Variants in TSPEAR observed in about 807,000 individuals in gnomAD.
The protein encoded by TSPEAR is thrombospondin type laminin G domain and EAR repeats.
In TSPEAR, 69 loss-of-function variants were observed where a neutral mutation model predicts 71.6. The observed-to-expected ratio is 0.96, with a 90% CI of 0.79 to 1.18. The LOEUF (loss-of-function observed/expected upper bound fraction) is 1.18, where lower values mean the gene tolerates loss of function less well. TSPEAR is among the 50% of genes most tolerant of loss of function. The pLI is 0.00. For missense variants in TSPEAR, 971 were observed against 894.9 expected (o/e 1.09, Z -1.09); for synonymous variants, 402 against 387.2 (o/e 1.04, Z -0.45).
chr21:44,521,759 G>A (rs782532036), intron 9 of TSPEAR, 124 bp downstream of exon 9: 4 of 901,860 alleles, frequency 4.4e-6, no homozygotes, highest in Non-Finnish European at 6.8e-6. Flanking sequence ...TGGGGTCACG[G>A]GTGCAGAGCA....
At chr21:44,573,444 G>C (rs782543704) in intron 1 of TSPEAR, among the ~76,000 whole-genome samples, 7 of 152,104 alleles carry the variant, frequency 4.6e-5, no homozygotes, top group Non-Finnish European at 1.0e-4. Context: ...GTGCGCCTGG[G>C]GAGCAAAGCA....
intron 11 of TSPEAR, among the ~76,000 whole-genome samples, chr21:44,502,589 T>C (rs1049203323): frequency 1.3e-5 from 2 of 152,192 alleles, no homozygotes; most frequent in Admixed American, 6.5e-5. Context: ...ACAACTCCCA[T>C]GTTAGGATGT....
intron 1 of TSPEAR, among the ~76,000 whole-genome samples, chr21:44,605,934 A>G (rs185340918): frequency 6.6e-6 from 1 of 152,266 alleles, no homozygotes; most frequent in African/African-American, 2.4e-5. Flanking sequence ...ACCTAACAAA[A>G]TAAAACATAG....
intron 1 of TSPEAR, chr21:44,658,428 A>G (rs9983049): frequency 0.73 from 510,596 of 699,330 alleles, 188,244 homozygotes; most frequent in African/African-American, 0.89. Context: ...CAGACCTTCC[A>G]TGACCCTGGG....
intron 1 of TSPEAR, among the ~76,000 whole-genome samples, chr21:44,603,043 C>A (rs979623504): frequency 9.4e-6 from 1 of 106,736 alleles, no homozygotes; most frequent in African/African-American, 2.9e-5. Context: ...TCCTTTGACT[C>A]CTGCTCCAGA....
intron 1 of TSPEAR, chr21:44,678,009 T>C: frequency 2.3e-6 from 2 of 875,612 alleles, no homozygotes; most frequent in Non-Finnish European, 3.8e-6. Context: ...ATGGTCACAG[T>C]GGACGGAGGA....
intron 1 of TSPEAR, chr21:44,646,382 C>T: frequency 6.5e-7 from 1 of 1,541,412 alleles, no homozygotes; most frequent in Non-Finnish European, 8.8e-7. Context: ...CAGCCCTGAG[C>T]ACCTCACTCA....
At chr21:44,580,611 G>A (rs1317240177) in intron 1 of TSPEAR, 2 of 1,586,734 alleles carry the variant, frequency 1.3e-6, no homozygotes, top group Admixed American at 1.7e-5. Flanking sequence ...CTGGGAGCTG[G>A]GGGAGGTGTG....
chr21:44,631,766 T>G (rs1243377412), intron 1 of TSPEAR, among the ~76,000 whole-genome samples: 1 of 151,928 alleles, frequency 6.6e-6, no homozygotes, highest in Non-Finnish European at 1.5e-5. Flanking sequence ...CTGAACAGAG[T>G]TTAACTGGCC....
rs1310739425 is a variant in TSPEAR at position 44,503,416 on chromosome 21, G to C, written c.1856+1364C>G. ...AGCAAGGCTCTGGGAGGAGGCCGGA[G>C]TTGGTGAGCCCTCGGGGGGAAGCAA... On this transcript the variant is annotated intron_variant, in intron 11 of 11. Transcript: ENST00000323084. 3.0e-4 allele frequency among the ~76,000 whole-genome samples: 26 copies of C among 86,886 alleles called. No individual in the cohort carries two copies. In the South Asian group the frequency reaches 3.4e-3, roughly 11 times the overall value. The allele number at this position is 86,886 out of a possible 152,430, so 57.0% of individuals were successfully genotyped here. A position where few individuals can be genotyped will look rare whatever the true frequency, so the allele number is the denominator to read the frequency against.
intron 11 of TSPEAR, among the ~76,000 whole-genome samples, chr21:44,502,275 C>T (rs1354016501): frequency 6.6e-6 from 1 of 152,152 alleles, no homozygotes; most frequent in African/African-American, 2.4e-5. Flanking sequence ...ACTTCTGCCG[C>T]CATCCAAGAT....
chr21:44,518,415 C>T (rs2052653545), intron 9 of TSPEAR: 2 of 408,462 alleles, frequency 4.9e-6, no homozygotes, highest in South Asian at 1.8e-5. Context: ...TTGGTGTTAT[C>T]ACAGGGGCTT....
At chr21:44,539,129 A>T in intron 2 of TSPEAR, 1 of 1,149,420 alleles carries the variant, frequency 8.7e-7, no homozygotes, top group Non-Finnish European at 1.2e-6. Flanking sequence ...AGAGCTGGGG[A>T]GCTGCAAGGA....
chr21:44,711,342 AT>A lies in TSPEAR; in HGVS notation c.82+90del. ...AGCGTCCTCGGGCACCGCGGCTTGA[AT>A]CAGTGTTAGAAAGTGGCATTTGTGA... On this transcript the variant is annotated intron_variant, in intron 1 of 11. Transcript: ENST00000323084. The surrounding 1 kb of genome is among the most constrained non-coding windows in gnomAD (Gnocchi z 4.5). The A allele has an allele frequency of 8.2e-7, 1 of 1,221,270 alleles. No individual in the cohort carries two copies. Among genetic ancestry groups the A allele is most frequent in the South Asian group, 1.5e-5 (1 of 68,804 alleles). The allele number at this position is 1,221,270 out of a possible 1,614,324, so 75.7% of individuals were successfully genotyped here.
chr21:44,627,674 G>A (rs782715773), intron 1 of TSPEAR: 1 of 1,613,326 alleles, frequency 6.2e-7, no homozygotes, highest in Admixed American at 1.7e-5. Flanking sequence ...CAGTCTAGCT[G>A]CCAGCCAGCT....
At chr21:44,553,528 A>G (rs1555919390) in intron 2 of TSPEAR, among the ~76,000 whole-genome samples, 1 of 152,222 alleles carries the variant, frequency 6.6e-6, no homozygotes, top group East Asian at 1.9e-4. Context: ...ATTCACAAAT[A>G]TAATGAGAGA....
At position 44,547,353 on chromosome 21, in the gene TSPEAR, C is replaced by T. The variant is rs587722722; in HGVS notation, c.304-13430G>A. On this transcript the variant is annotated intron_variant, in intron 2 of 11. Coordinates refer to ENST00000323084, the MANE Select transcript of TSPEAR (RefSeq NM_144991.3). Reference sequence around the variant, plus strand: ...TTTGAACATGTTTAAGAGAGCTGATCGAAAGGCTTTATCTAGTAAGTCCAA... The same window carrying T: ...TTTGAACATGTTTAAGAGAGCTGATTGAAAGGCTTTATCTAGTAAGTCCAA... Among the ~76,000 whole-genome samples the T allele has an allele frequency of 6.6e-5, 10 of 152,162 alleles. No individual in the cohort carries two copies. In the South Asian group the frequency reaches 1.9e-3, roughly 28 times the overall value.
chr21:44,579,857 C>T, intron 1 of TSPEAR: 1 of 1,597,514 alleles, frequency 6.3e-7, no homozygotes, highest in Non-Finnish European at 8.6e-7. Context: ...GGCAGGGGCA[C>T]AGCAGGAGGA....
intron 1 of TSPEAR, among the ~76,000 whole-genome samples, chr21:44,606,936 C>G (rs1373990145): frequency 1.3e-5 from 2 of 152,144 alleles, no homozygotes; most frequent in Non-Finnish European, 2.9e-5. Context: ...GAGGAAAAAG[C>G]TTTAGTGACC....
Sources: allele counts gnomAD v4.1 joint callset (sites outside exome capture counted in the v4.1 genomes callset), GRCh38; gene constraint gnomAD v4.1.1; non-coding constraint Gnocchi (gnomAD v3.1); transcripts MANE v1.5; gene names NCBI Gene and HGNC (gene_info 2026-07-23, HGNC 2026-07-21).